Variants in ZNF251 observed in about 807,000 individuals in gnomAD.
ZNF251 encodes the protein zinc finger protein 251.
ZNF251 carries 14 observed loss-of-function variants against 13.5 expected under a neutral mutation model. The ratio of observed to expected loss-of-function variants is 1.04; its 90% CI spans 0.69 to 1.63. The LOEUF (loss-of-function observed/expected upper bound fraction) is 1.63. Ranked by LOEUF, ZNF251 falls within the 40% of genes most tolerant of loss-of-function variation. ZNF251 has a pLI of 0.00. For missense variants in ZNF251, 764 were observed against 834.9 expected, an observed-to-expected ratio of 0.92 and a Z score of 1.05; for synonymous variants, 287 against 295.2, an observed-to-expected ratio of 0.97 and a Z score of 0.28.
At chr8:144,743,141 G>A (rs1205147780) in intron 4 of ZNF251, among the ~76,000 whole-genome samples, 1 of 152,152 alleles carries the variant, frequency 6.6e-6, no homozygotes, top group African/African-American at 2.4e-5. Context: ...TGGGCTCACT[G>A]CAAACTCCGC....
At chr8:144,754,528 C>T in intron 2 of ZNF251, 168 bp downstream of exon 2, 1 of 1,449,918 alleles carries the variant, frequency 6.9e-7, no homozygotes, top group Non-Finnish European at 9.1e-7. Flanking sequence ...CTCAGAGCCC[C>T]TCTCCCTGCA....
Position 144,723,019 on chromosome 8 carries a change from C to T in ZNF251, c.641G>A (p.Cys214Tyr). The T allele has an allele frequency of 6.2e-7, 1 of 1,613,960 alleles. No homozygotes were observed. The highest frequency in any genetic ancestry group is 8.5e-7 in the Non-Finnish European group (1 of 1,179,886). Residue 214 changes from cysteine (C) to tyrosine (Y), a missense_variant, in exon 5 of 5, where the codon TGC becomes TAC. Transcript: ENST00000292562. ...TGAATTATATTTGAAGGTTTTGCTG[C>T]ATATATCACATTTAAAGACCCTCTC... ...TGERVFKCDI[C>Y]SKTFKYNSDL...
At chr8:144,730,588 T>G (rs1823664839) in intron 4 of ZNF251, among the ~76,000 whole-genome samples, 1 of 151,628 alleles carries the variant, frequency 6.6e-6, no homozygotes, top group African/African-American at 2.4e-5. Context: ...CATGTGACGC[T>G]GCGACGGGGC....
chr8:144,728,828 A>G (rs1823599089), intron 4 of ZNF251, among the ~76,000 whole-genome samples: 1 of 152,066 alleles, frequency 6.6e-6, no homozygotes, highest in South Asian at 2.1e-4. Context: ...AGTGGCTCGC[A>G]CTTGTAATCC....
chr8:144,749,808 G>C (rs1313928590), intron 4 of ZNF251, among the ~76,000 whole-genome samples: 1 of 151,090 alleles, frequency 6.6e-6, no homozygotes, highest in Non-Finnish European at 1.5e-5. Context: ...CAAAGGCACT[G>C]TTCCTTTCGG....
chr8:144,754,407 T>C, intron 2 of ZNF251, 86 bp from the exon 3 acceptor site: 5 of 1,473,210 alleles, frequency 3.4e-6, no homozygotes, highest in Non-Finnish European at 4.5e-6. Context: ...GGGGCCCCAC[T>C]ACCCAGGGCC....
intron 4 of ZNF251, among the ~76,000 whole-genome samples, chr8:144,728,855 CA>C (rs1220815550): frequency 6.6e-6 from 1 of 151,796 alleles, no homozygotes; most frequent in Non-Finnish European, 1.5e-5. Flanking sequence ...TTTGGAGGCC[CA>C]GGGGGGCAGA....
chr8:144,738,538 T>C (rs890598724), intron 4 of ZNF251: 6 of 984,320 alleles, frequency 6.1e-6, no homozygotes, highest in Admixed American at 6.1e-5. Flanking sequence ...GTGGCTTTAC[T>C]CATCCCCGGC....
intron 4 of ZNF251, among the ~76,000 whole-genome samples, chr8:144,749,796 G>A (rs1824602886): frequency 6.6e-6 from 1 of 151,828 alleles, no homozygotes; most frequent in Non-Finnish European, 1.5e-5. Flanking sequence ...TAACGAGCCT[G>A]TCAAAGGCAC....
In ZNF251 at chr8:144,754,524, G is replaced by C. The variant is rs995503307; in HGVS notation, c.33+172C>G. The C allele has an allele frequency of 3.7e-4, 539 of 1,449,748 alleles. 3 individuals carry two copies. Among genetic ancestry groups the C allele is most frequent in the Admixed American group, 8.6e-5 (3 of 34,922 alleles). The allele number at this position is 1,449,748 out of a possible 1,614,324, so 89.8% of individuals were successfully genotyped here. ...ACACGGGGACCCAGCTGAGCTCAGA[G>C]CCCCTCTCCCTGCAGGAGGGCGAGT... On this transcript the variant is annotated intron_variant, in intron 2 of 4. Coordinates refer to ENST00000292562, the MANE Select transcript of ZNF251 (RefSeq NM_138367.2).
chr8:144,737,546 A>G (rs1259753642), intron 4 of ZNF251, among the ~76,000 whole-genome samples: 1 of 151,472 alleles, frequency 6.6e-6, no homozygotes, highest in Non-Finnish European at 1.5e-5. Flanking sequence ...ACCAGCTACG[A>G]GGCTGGGCGC....
intron 3 of ZNF251, 55 bp from the exon 4 acceptor site, chr8:144,753,851 C>T (rs1303128564): frequency 7.2e-7 from 1 of 1,398,530 alleles, no homozygotes; most frequent in Non-Finnish European, 9.8e-7. Flanking sequence ...CCTTCCAGGC[C>T]AGGTGTGGAG....
intron 4 of ZNF251, among the ~76,000 whole-genome samples, chr8:144,724,061 G>A (rs1382273375): frequency 6.6e-6 from 1 of 152,028 alleles, no homozygotes. Flanking sequence ...GGGTAACACG[G>A]TGAAACCCCG....
At chr8:144,754,857 T>G in intron 1 of ZNF251, 54 bp from the exon 2 acceptor site, 1 of 1,481,970 alleles carries the variant, frequency 6.7e-7, no homozygotes, top group Non-Finnish European at 9.0e-7. Flanking sequence ...TGTGGAAGGA[T>G]GGCCAGGAGG....
intron 4 of ZNF251, among the ~76,000 whole-genome samples, chr8:144,741,342 A>T (rs532600070): frequency 6.6e-6 from 1 of 152,336 alleles, no homozygotes; most frequent in Non-Finnish European, 1.5e-5. Flanking sequence ...GACCAGCTGC[A>T]CAGATGTACA....
Position 144,721,464 on chromosome 8 carries a change from G to C in ZNF251, c.*180C>G. ...GCAGTAACCTTTACACAGACAGCCTGATTTCCCAGAATGAATTCTCGTGTT... is the reference window on the plus strand; with the variant it reads ...GCAGTAACCTTTACACAGACAGCCTCATTTCCCAGAATGAATTCTCGTGTT... On this transcript the variant is annotated 3_prime_UTR_variant, in exon 5 of 5. Transcript: ENST00000292562. 1.6e-6 allele frequency: 1 copy of C among 613,476 alleles called. No individual in the cohort carries two copies. Among genetic ancestry groups the C allele is most frequent in the Non-Finnish European group, 2.4e-6 (1 of 421,396 alleles). The allele number at this position is 613,476 out of a possible 1,614,324, so 38.0% of individuals were successfully genotyped here. A position where few individuals can be genotyped will look rare whatever the true frequency, so the allele number is the denominator to read the frequency against.
At chr8:144,744,116 C>T (rs540623579) in intron 4 of ZNF251, among the ~76,000 whole-genome samples, 20 of 148,884 alleles carry the variant, frequency 1.3e-4, no homozygotes, top group South Asian at 4.2e-4. Flanking sequence ...CGGGTTCAGG[C>T]GATTCTCCTG....
In ZNF251 at chr8:144,752,135, C is replaced by CAAAAAAAAAAAAAAAAAAAAAAAA. The variant is rs745386892; in HGVS notation, c.277+1547_277+1548insTTTTTTTTTTTTTTTTTTTTTTTT. ...TCAGCAACTGAAAGAATAACTAGAC[C>CAAAAAAAAAAAAAAAAAAAAAAAA]AAAAAAAAAAAAAAAAAAAAAATCA... On this transcript the variant is annotated intron_variant, in intron 4 of 4. Transcript: ENST00000292562. Among the ~76,000 whole-genome samples, 3 of 86,194 alleles carry CAAAAAAAAAAAAAAAAAAAAAAAA rather than the reference C, an allele frequency of 3.5e-5. 1 individual carries two copies. The highest frequency in any genetic ancestry group is 5.0e-5 in the Non-Finnish European group (2 of 39,904). 56.5% of individuals were successfully genotyped at this position (86,194 alleles called of 152,430 possible). A position where few individuals can be genotyped will look rare whatever the true frequency, so the allele number is the denominator to read the frequency against.
chr8:144,729,089 GA>G (rs770516433), intron 4 of ZNF251, among the ~76,000 whole-genome samples: 7,712 of 91,454 alleles, frequency 0.084, 518 homozygotes, highest in African/African-American at 0.26. Flanking sequence ...TCCATCTATG[GA>G]AAAAAAAAAA....
Sources: allele counts gnomAD v4.1 joint callset (sites outside exome capture counted in the v4.1 genomes callset), GRCh38; gene constraint gnomAD v4.1.1; transcripts MANE v1.5; gene names NCBI Gene and HGNC (gene_info 2026-07-23, HGNC 2026-07-21).